The following FXYD6 variants were observed in gnomAD, a reference collection of about 807,000 sequenced individuals.
The protein encoded by FXYD6 is FXYD domain-containing ion transport regulator 6.
A neutral mutation model predicts 16.7 loss-of-function variants in FXYD6; 7 were observed. The observed-to-expected ratio is 0.42, with a 90% confidence interval of 0.24 to 0.79. The LOEUF (loss-of-function observed/expected upper bound fraction) is 0.79, where lower values mean the gene tolerates loss of function less well. FXYD6 is among the 30% of genes least tolerant of loss of function. FXYD6 has a pLI of 0.28. For synonymous variants in FXYD6, 49 were observed against 43.0 expected (o/e 1.14, Z -0.54); for missense variants, 111 against 116.2 (o/e 0.95, Z 0.21).
intron 1 of FXYD6, among the ~76,000 whole-genome samples, chr11:117,863,341 G>A (rs1461150994): frequency 1.3e-5 from 2 of 151,688 alleles, no homozygotes; most frequent in Non-Finnish European, 2.9e-5. Flanking sequence ...TTAGCAAAAC[G>A]GAGGGAAAAA....
At chr11:117,867,424 G>A (rs1349036757) in intron 1 of FXYD6, among the ~76,000 whole-genome samples, 1 of 152,076 alleles carries the variant, frequency 6.6e-6, no homozygotes, top group Non-Finnish European at 1.5e-5. Context: ...CTTCCTTTCC[G>A]TCACTCCTCT....
chr11:117,841,710 A>T, intron 4 of FXYD6, 81 bp downstream of exon 4: 3 of 1,548,822 alleles, frequency 1.9e-6, no homozygotes, highest in Non-Finnish European at 2.7e-6. Context: ...GAGAGGGACC[A>T]ACCAGGCTCT....
chr11:117,850,357 G>A (rs2056578922), intron 1 of FXYD6, among the ~76,000 whole-genome samples: 1 of 152,174 alleles, frequency 6.6e-6, no homozygotes, highest in African/African-American at 2.4e-5. Context: ...AACTGTTACT[G>A]TCCTCTGAGT....
At chr11:117,847,431 G>A (rs2056498006) in intron 1 of FXYD6, among the ~76,000 whole-genome samples, 1 of 151,848 alleles carries the variant, frequency 6.6e-6, no homozygotes, top group South Asian at 2.1e-4. Flanking sequence ...TGTTACATAT[G>A]TATACATGTG....
chr11:117,842,612 G>C (rs2056375785), intron 2 of FXYD6, 107 bp downstream of exon 2: 2 of 1,149,912 alleles, frequency 1.7e-6, no homozygotes, highest in Non-Finnish European at 2.5e-6. Flanking sequence ...CATGAAGAAC[G>C]TGAGAGTCCC....
At chr11:117,841,547 G>T in intron 4 of FXYD6, 1 of 601,456 alleles carries the variant, frequency 1.7e-6, no homozygotes. Context: ...ACAGCACTGG[G>T]AAGCCACCCT....
At chr11:117,859,614 G>A (rs1383044685) in intron 1 of FXYD6, among the ~76,000 whole-genome samples, 2 of 152,264 alleles carry the variant, frequency 1.3e-5, no homozygotes, top group African/African-American at 4.8e-5. Context: ...CACTGATAAT[G>A]TGCACCTGTG....
chr11:117,844,391 T>TTAGGAAATGGAC (rs2134142401), intron 1 of FXYD6, among the ~76,000 whole-genome samples: 2 of 152,226 alleles, frequency 1.3e-5, no homozygotes, highest in South Asian at 4.1e-4. Context: ...GAAATGGAGC[T>TTAGGAAATGGAC]TTACAAAGAC....
rs2057160219 is a variant in FXYD6, at chr11:117,872,486, G to A, written c.-6+4106C>T. Among the ~76,000 whole-genome samples, 1 of 152,192 alleles carries A rather than the reference G, an allele frequency of 6.6e-6. No homozygotes were observed. Among genetic ancestry groups the A allele is most frequent in the African/African-American group, 2.4e-5 (1 of 41,444 alleles). On this transcript the variant is annotated intron_variant, in intron 1 of 7. Coordinates refer to ENST00000526014, the MANE Select transcript of FXYD6 (RefSeq NM_022003.4). This position sits in a 1 kb window ranked among gnomAD's most constrained non-coding sequence, Gnocchi z 4.9. ...ACAGGGCCTGCCTGACATATGAGGG[G>A]AACATTTATTAAAAGGATGAACGAG...
intron 1 of FXYD6, among the ~76,000 whole-genome samples, chr11:117,859,277 A>G (rs972249012): frequency 6.6e-6 from 1 of 152,080 alleles, no homozygotes; most frequent in Non-Finnish European, 1.5e-5. Flanking sequence ...TCCCCTGAGG[A>G]GGGAGGTCCG....
intron 1 of FXYD6, among the ~76,000 whole-genome samples, 181 bp downstream of exon 1, chr11:117,876,411 T>C (rs952822735): frequency 6.6e-6 from 1 of 152,152 alleles, no homozygotes; most frequent in East Asian, 1.9e-4. Context: ...CTTGTTTACA[T>C]CCCCAGCCCG....
rs2056291069 is a variant in FXYD6 at position 117,839,697 on chromosome 11, C to T, written c.*21+84G>A. The T allele has an allele frequency of 1.9e-6, 3 of 1,551,458 alleles. No individual in the cohort carries two copies. In the South Asian group the frequency reaches 3.4e-5, roughly 17 times the overall value. On this transcript the variant is annotated intron_variant, in intron 7 of 7. Transcript: ENST00000526014. The stretch of plus-strand genomic sequence containing the variant: ...CTGTGCCCACTGCAAAAGCTAGCCC[C>T]ATCCTTCCCGCCTGAACCCCTGTCC...
chr11:117,873,524 G>T (rs901635739), intron 1 of FXYD6, among the ~76,000 whole-genome samples: 2 of 152,256 alleles, frequency 1.3e-5, no homozygotes, highest in African/African-American at 4.8e-5. Context: ...CGGAAGCTCA[G>T]GGGGAGAGCT....
chr11:117,858,644 T>TTCC (rs2056800313), intron 1 of FXYD6, among the ~76,000 whole-genome samples: 1 of 87,482 alleles, frequency 1.1e-5, no homozygotes, highest in East Asian at 3.0e-4. Flanking sequence ...TCTTTCTTTC[T>TTCC]TTCTTTCTTT....
chr11:117,876,712 C>T (rs892634239), upstream of FXYD6: 1 of 151,870 alleles, frequency 6.6e-6, no homozygotes, highest in African/African-American at 2.4e-5. Context: ...CGCCTCCCCT[C>T]CTCCTAGGAG....
rs562394252 is a variant in FXYD6, at chr11:117,870,320, C to T, written c.-6+6272G>A. Among the ~76,000 whole-genome samples, 17 of 152,248 alleles carry T rather than the reference C, an allele frequency of 1.1e-4. No homozygotes were observed. In the South Asian group the frequency reaches 3.5e-3, roughly 32 times the overall value. ...ATTGCACAGAAGCCACAGGCTGGGG[C>T]CCCAGCAGGCTGCACGCCCCAGCAG... On this transcript the variant is annotated intron_variant, in intron 1 of 7. Transcript: ENST00000526014. This position sits in a 1 kb window ranked among gnomAD's most constrained non-coding sequence, Gnocchi z 4.2.
intron 1 of FXYD6, among the ~76,000 whole-genome samples, chr11:117,862,339 C>T (rs2134189761): frequency 6.6e-6 from 1 of 152,274 alleles, no homozygotes; most frequent in South Asian, 2.1e-4. Flanking sequence ...TGGGTGCCTC[C>T]ACCATGCCCT....
intron 1 of FXYD6, among the ~76,000 whole-genome samples, chr11:117,863,239 G>A (rs909629423): frequency 6.6e-6 from 1 of 152,046 alleles, no homozygotes; most frequent in African/African-American, 2.4e-5. Flanking sequence ...AAATGGGCAG[G>A]AACTAAGGGA....
intron 1 of FXYD6, among the ~76,000 whole-genome samples, chr11:117,853,288 C>T (rs1291351179): frequency 6.6e-6 from 1 of 152,190 alleles, no homozygotes; most frequent in Non-Finnish European, 1.5e-5. Context: ...TTCATGGAGG[C>T]TGGGGGCAGC....
Sources: gnomAD v4.1 joint callset for allele counts (sites outside exome capture counted in the v4.1 genomes callset) on GRCh38, gnomAD v4.1.1 for gene constraint, Gnocchi (gnomAD v3.1) non-coding constraint, MANE v1.5 for transcripts, NCBI Gene and HGNC (gene_info 2026-07-23, HGNC 2026-07-21) for gene names.